The following RASEF variants were observed in gnomAD, a reference collection of about 807,000 sequenced individuals.
RASEF encodes the protein ras and EF-hand domain-containing protein.
RASEF carries 68 observed loss-of-function variants against 90.1 expected under a neutral mutation model. The ratio of observed to expected loss-of-function variants is 0.75; its 90% CI spans 0.62 to 0.92. RASEF has a LOEUF of 0.92. Among genes scored for constraint, RASEF ranks in the 40% least tolerant of loss-of-function variants. The pLI is 0.00. For synonymous variants in RASEF, 331 were observed against 345.2 expected, an observed-to-expected ratio of 0.96 and a Z score of 0.46; for missense variants, 949 against 937.2, an observed-to-expected ratio of 1.01 and a Z score of -0.16.
At chr9:83,011,566 A>C (rs949880402) in intron 5 of RASEF, among the ~76,000 whole-genome samples, 7 of 150,520 alleles carry the variant, frequency 4.7e-5, no homozygotes, top group African/African-American at 1.7e-4. Flanking sequence ...AAAAAAAAAA[A>C]AAAAAAAAAA....
At chr9:83,174,760 T>C in the RASEF span, among the ~76,000 whole-genome samples, 3 of 152,182 alleles carry the variant, frequency 2.0e-5, no homozygotes, top group Non-Finnish European at 4.4e-5. Context: ...GAACATGAGA[T>C]GTCTTTCCAC....
rs769607785 is a variant in RASEF, at chr9:83,062,416, GC to G, written c.431+20del. 2 of 1,609,044 alleles carry G rather than the reference GC, an allele frequency of 1.2e-6. No homozygotes were observed. ...GCAGGAAGCGCCAGAATAACCTCCC[GC>G]CCCCAGCTCACACTCGCACCTGGGA... is the stretch of plus-strand genomic sequence containing the variant. On this transcript the variant is annotated intron_variant, in intron 1 of 16. Coordinates refer to ENST00000376447, the MANE Select transcript of RASEF (RefSeq NM_152573.4).
the RASEF span, among the ~76,000 whole-genome samples, chr9:83,195,726 G>A: frequency 5.9e-5 from 9 of 152,014 alleles, no homozygotes; most frequent in African/African-American, 1.7e-4. Context: ...AGGTTGGCTC[G>A]GGAGAGTGCC....
the RASEF span, among the ~76,000 whole-genome samples, chr9:83,146,122 G>A: frequency 6.0e-4 from 90 of 151,100 alleles, 1 homozygote; most frequent in African/African-American, 2.0e-3. Flanking sequence ...AGTTGCCCAC[G>A]AGGTAAGTCC....
At chr9:83,022,673 G>A (rs1293075551) in intron 2 of RASEF, among the ~76,000 whole-genome samples, 1 of 152,164 alleles carries the variant, frequency 6.6e-6, no homozygotes, top group Admixed American at 6.5e-5. Context: ...TATGAGAAAT[G>A]TGTCTTTAGG....
At chr9:83,114,882 C>T in the RASEF span, among the ~76,000 whole-genome samples, 1 of 152,314 alleles carries the variant, frequency 6.6e-6, no homozygotes, top group East Asian at 1.9e-4. Flanking sequence ...TCTCACCCTG[C>T]CTCCATTTAC....
At chr9:82,999,206 T>TG (rs1554705856) in intron 12 of RASEF, among the ~76,000 whole-genome samples, 2 of 34,146 alleles carry the variant, frequency 5.9e-5, no homozygotes, top group Admixed American at 2.4e-4. Flanking sequence ...CTCCTTTTAC[T>TG]ATTATGCAAA....
the RASEF span, among the ~76,000 whole-genome samples, chr9:83,092,363 C>A: frequency 6.6e-6 from 1 of 152,022 alleles, no homozygotes; most frequent in Non-Finnish European, 1.5e-5. Context: ...CTTAAGGTGG[C>A]GCATCTGGAG....
chr9:83,109,458 C>T, the RASEF span, among the ~76,000 whole-genome samples: 2 of 152,122 alleles, frequency 1.3e-5, no homozygotes, highest in Admixed American at 6.6e-5. Flanking sequence ...AACTTATTAG[C>T]ACCATTTATT....
the RASEF span, among the ~76,000 whole-genome samples, chr9:83,087,650 T>C: frequency 2.6e-5 from 4 of 152,066 alleles, no homozygotes; most frequent in Non-Finnish European, 4.4e-5. Flanking sequence ...TATTGAGTCT[T>C]GTCTATTTTT....
chr9:83,178,597 G>T, the RASEF span, among the ~76,000 whole-genome samples: 1 of 152,048 alleles, frequency 6.6e-6, no homozygotes, highest in East Asian at 1.9e-4. Context: ...CCAGCACCAC[G>T]AATCCAACTG....
the RASEF span, among the ~76,000 whole-genome samples, chr9:83,174,195 A>T: frequency 6.6e-6 from 1 of 151,968 alleles, no homozygotes; most frequent in African/African-American, 2.4e-5. Flanking sequence ...TTTGTTGCTT[A>T]TGCTTTTAGT....
the RASEF span, among the ~76,000 whole-genome samples, chr9:83,176,507 T>A: frequency 1.3e-5 from 2 of 152,138 alleles, no homozygotes; most frequent in Admixed American, 1.3e-4. Context: ...CTCATTTCTC[T>A]TTTGTTCCTC....
chr9:83,175,682 G>A, the RASEF span, among the ~76,000 whole-genome samples: 11 of 152,042 alleles, frequency 7.2e-5, no homozygotes, highest in East Asian at 1.9e-4. Context: ...CTGGGTTCAC[G>A]CCATTCTCCT....
Position 83,063,093 on chromosome 9 carries a change from G to A in RASEF, c.-226C>T, listed in dbSNP as rs528796357. ...CAGCCCCCAACAGGTCCCGGGAGCGGTGGGGTGCGCCCGGGCTCCAGGCAC... is the reference window on the plus strand; with the variant it reads ...CAGCCCCCAACAGGTCCCGGGAGCGATGGGGTGCGCCCGGGCTCCAGGCAC... On this transcript the variant is annotated 5_prime_UTR_variant, in exon 1 of 17. Transcript: ENST00000376447. 6.9e-4 allele frequency: 333 copies of A among 483,766 alleles called. 1 individual carries two copies. The highest frequency in any genetic ancestry group is 6.3e-3 in the African/African-American group (307 of 49,078). 30.0% of individuals were successfully genotyped at this position (483,766 alleles called of 1,614,324 possible). A position where few individuals can be genotyped will look rare whatever the true frequency, so the allele number is the denominator to read the frequency against.
At chr9:83,015,521 A>G (rs1018885823) in intron 4 of RASEF, among the ~76,000 whole-genome samples, 7 of 152,124 alleles carry the variant, frequency 4.6e-5, no homozygotes, top group Admixed American at 4.6e-4. Context: ...CTCTACTAAA[A>G]ACACAAAAAT....
the RASEF span, among the ~76,000 whole-genome samples, chr9:83,137,333 G>A: frequency 6.6e-6 from 1 of 152,088 alleles, no homozygotes; most frequent in Non-Finnish European, 1.5e-5. Flanking sequence ...AAAGAACATA[G>A]TCACTGGGTG....
rs147956345 is a variant in RASEF, at chr9:83,039,811, A to G, written c.432-13890T>C. Among the ~76,000 whole-genome samples the G allele has an allele frequency of 4.4e-3, 669 of 152,266 alleles. 4 individuals carry two copies. The highest frequency in any genetic ancestry group is 0.023 in the South Asian group (113 of 4,826). On this transcript the variant is annotated intron_variant, in intron 1 of 16. Coordinates refer to ENST00000376447, the MANE Select transcript of RASEF (RefSeq NM_152573.4). ...TGCTAAGAAAGCTGAAAATAAGTCC[A>G]ACTCAAGAAACTGTCTGTCTTGCTG...
upstream of RASEF, among the ~76,000 whole-genome samples, chr9:83,065,994 T>C (rs1830279357): frequency 6.6e-6 from 1 of 152,176 alleles, no homozygotes; most frequent in East Asian, 1.9e-4. Flanking sequence ...GTGCTGAGGT[T>C]GAGGAAGCCT....
Sources: allele counts gnomAD v4.1 joint callset (sites outside exome capture counted in the v4.1 genomes callset), GRCh38; gene constraint gnomAD v4.1.1; transcripts MANE v1.5; gene names NCBI Gene and HGNC (gene_info 2026-07-23, HGNC 2026-07-21).